The following ZNF341 variants were observed in gnomAD, a reference collection of about 807,000 sequenced individuals.
ZNF341 encodes the protein zinc finger protein 341.
A neutral mutation model predicts 87.7 loss-of-function variants in ZNF341; 52 were observed. The ratio of observed to expected loss-of-function variants is 0.59; its 90% CI spans 0.47 to 0.75. The LOEUF is 0.75. ZNF341 is among the 30% of genes least tolerant of loss of function. ZNF341 has a pLI of 0.00. For synonymous variants in ZNF341, 459 were observed against 472.7 expected, an observed-to-expected ratio of 0.97 and a Z score of 0.38; for missense variants, 977 against 1,145.9, an observed-to-expected ratio of 0.85 and a Z score of 2.13.
At chr20:33,786,027 C>CTTTTTTTTTTT in intron 12 of ZNF341, among the ~76,000 whole-genome samples, 1 of 68,712 alleles carries the variant, frequency 1.5e-5, no homozygotes, top group Non-Finnish European at 2.5e-5. Flanking sequence ...ATGTATGAAC[C>CTTTTTTTTTTT]TTTTTTTTTT....
chr20:33,764,452 TTA>T (rs1038192453), intron 8 of ZNF341, among the ~76,000 whole-genome samples: 32 of 148,450 alleles, frequency 2.2e-4, no homozygotes, highest in African/African-American at 7.9e-4. Flanking sequence ...TTAATTTTAA[TTA>T]TATATCTTAT....
chr20:33,777,682 A>G (rs1358761722), intron 10 of ZNF341, among the ~76,000 whole-genome samples: 2 of 151,928 alleles, frequency 1.3e-5, no homozygotes, highest in Non-Finnish European at 2.9e-5. Context: ...TAATATCAGT[A>G]CAATTCTATT....
intron 2 of ZNF341, 102 bp downstream of exon 2, chr20:33,741,114 CCCCAGGACATGCT>C (rs2018792685): frequency 1.8e-6 from 2 of 1,105,168 alleles, no homozygotes; most frequent in Non-Finnish European, 2.7e-6. Context: ...TTGCTGTGGT[CCCCAGGACATGCT>C]CTGGTGTCTG....
At chr20:33,739,524 G>A (rs2018758901) in intron 1 of ZNF341, among the ~76,000 whole-genome samples, 2 of 152,166 alleles carry the variant, frequency 1.3e-5, no homozygotes, top group South Asian at 4.1e-4. Context: ...AGAAAACATG[G>A]AAGAAGTCAG....
chr20:33,766,838 G>A lies in ZNF341; in HGVS notation c.1223-13G>A. ...CCGGCTCCTTGTCCTGACTTCCCTG[G>A]CTTTCTCCACAGGGTTGGGCCAGCC... On this transcript the variant is annotated splice_polypyrimidine_tract_variant and intron_variant, in intron 8 of 14. Transcript: ENST00000375200. The A allele has an allele frequency of 6.3e-7, 1 of 1,591,350 alleles. No homozygotes were observed. The highest frequency in any genetic ancestry group is 8.6e-7 in the Non-Finnish European group (1 of 1,167,074).
At chr20:33,786,192 T>C (rs1384684539) in intron 12 of ZNF341, among the ~76,000 whole-genome samples, 3 of 151,956 alleles carry the variant, frequency 2.0e-5, no homozygotes, top group Admixed American at 6.6e-5. Flanking sequence ...TTAGTAGATA[T>C]GTGGTTTCAC....
At chr20:33,764,139 C>T (rs1343555122) in intron 8 of ZNF341, among the ~76,000 whole-genome samples, 3 of 150,932 alleles carry the variant, frequency 2.0e-5, no homozygotes, top group Non-Finnish European at 4.4e-5. Context: ...ATTTTCCTGC[C>T]TCAGCCTCCC....
chr20:33,733,760 AGACT>A (rs1351434982), intron 1 of ZNF341, among the ~76,000 whole-genome samples: 1 of 152,192 alleles, frequency 6.6e-6, no homozygotes, highest in Admixed American at 6.5e-5. Flanking sequence ...TCCGATTCAA[AGACT>A]GACTGAGACA....
chr20:33,739,246 G>A lies in ZNF341; in HGVS notation c.32-1656G>A, dbSNP rs1034874297. ...GCCTCCCAAAGTGCTGGAATTACAG[G>A]CGTGAGCCACCATGCCCGGCCAGAG... On this transcript the variant is annotated intron_variant, in intron 1 of 14. Coordinates refer to ENST00000375200, the MANE Select transcript of ZNF341 (RefSeq NM_001282933.2). Among the ~76,000 whole-genome samples the A allele has an allele frequency of 9.9e-5, 15 of 152,218 alleles. 1 individual carries two copies. Among genetic ancestry groups the A allele is most frequent in the Admixed American group, 1.3e-4 (2 of 15,276 alleles).
At position 33,764,561 on chromosome 20, in the gene ZNF341, ATTTTTTTTTTTTT is replaced by A. The variant is rs1164096634; in HGVS notation, c.1223-2273_1223-2261del. 5.3e-3 allele frequency among the ~76,000 whole-genome samples: 151 copies of A among 28,416 alleles called. 5 individuals are homozygous for A. Among genetic ancestry groups the A allele is most frequent in the African/African-American group, 0.015 (141 of 9,124 alleles). 18.6% of individuals were successfully genotyped at this position (28,416 alleles called of 152,430 possible). ...TGTATGTGTATATATATATATATAT[ATTTTTTTTTTTTT>A]TTTTTTTTTTTTTTTTGAGATGGAG... is the stretch of plus-strand genomic sequence containing the variant. On this transcript the variant is annotated intron_variant, in intron 8 of 14. Transcript: ENST00000375200.
intron 8 of ZNF341, 58 bp from the exon 9 acceptor site, chr20:33,766,793 G>C (rs1374705841): frequency 5.2e-6 from 8 of 1,534,694 alleles, no homozygotes; most frequent in Non-Finnish European, 7.0e-6. Flanking sequence ...TAGGGGTTCT[G>C]TGCATCCTTC....
chr20:33,784,057 C>T (rs1396406077), intron 12 of ZNF341, among the ~76,000 whole-genome samples, 193 bp downstream of exon 12: 1 of 133,260 alleles, frequency 7.5e-6, no homozygotes, highest in Non-Finnish European at 1.6e-5. Flanking sequence ...CCCCCGTCTC[C>T]CTCCTCCTCC....
chr20:33,748,833 G>A (rs2018994241), intron 3 of ZNF341, 90 bp from the exon 4 acceptor site: 1 of 1,330,462 alleles, frequency 7.5e-7, no homozygotes, highest in Non-Finnish European at 1.0e-6. Context: ...TACAGAGCCT[G>A]ACATGTCCAC....
chr20:33,780,494 G>T (rs544381293), intron 10 of ZNF341, among the ~76,000 whole-genome samples: 1 of 151,514 alleles, frequency 6.6e-6, no homozygotes, highest in African/African-American at 2.4e-5. Context: ...TGCAACCTCC[G>T]CCTCCTGGGT....
chr20:33,755,591 CTTT>C (rs1004093201), intron 5 of ZNF341, among the ~76,000 whole-genome samples: 1 of 118,018 alleles, frequency 8.5e-6, no homozygotes, highest in African/African-American at 3.2e-5. Context: ...GAGTTGAATT[CTTT>C]TTTTTTTTTT....
At chr20:33,767,077 C>A (rs779188406) in intron 9 of ZNF341, 36 bp downstream of exon 9, 1 of 1,583,854 alleles carries the variant, frequency 6.3e-7, no homozygotes, top group Non-Finnish European at 8.6e-7. Flanking sequence ...CCACACCACA[C>A]CAGTCGAAAC....
rs562448564 is a variant in ZNF341 at position 33,769,328 on chromosome 20, A to G, written c.1414-756A>G. Among the ~76,000 whole-genome samples the G allele has an allele frequency of 2.3e-3, 312 of 136,360 alleles. 3 individuals are homozygous for G. The highest frequency in any genetic ancestry group is 8.2e-3 in the African/African-American group (294 of 36,032). The allele number at this position is 136,360 out of a possible 152,430, so 89.5% of individuals were successfully genotyped here. A position where few individuals can be genotyped will look rare whatever the true frequency, so the allele number is the denominator to read the frequency against. On this transcript the variant is annotated intron_variant, in intron 9 of 14. Coordinates refer to ENST00000375200, the MANE Select transcript of ZNF341 (RefSeq NM_001282933.2). The stretch of plus-strand genomic sequence containing the variant: ...GTTAGTGATGCACATATTCAGACCC[A>G]CTAAGTCAGATTTCTCAGGGCCAGG...
chr20:33,736,733 T>C (rs1165767885), intron 1 of ZNF341, among the ~76,000 whole-genome samples: 1 of 152,278 alleles, frequency 6.6e-6, no homozygotes, highest in East Asian at 1.9e-4. Context: ...CTAAAAGTGC[T>C]ATGAACATTT....
chr20:33,773,161 C>T (rs2019561712), intron 10 of ZNF341, among the ~76,000 whole-genome samples: 1 of 152,114 alleles, frequency 6.6e-6, no homozygotes. Context: ...GTGATATTCT[C>T]CCCATTTTGA....
Sources: gnomAD v4.1 joint callset for allele counts (sites outside exome capture counted in the v4.1 genomes callset) on GRCh38, gnomAD v4.1.1 for gene constraint, MANE v1.5 for transcripts, NCBI Gene and HGNC (gene_info 2026-07-23, HGNC 2026-07-21) for gene names.